The following NUDCD3 variants were observed in gnomAD, a reference collection of about 807,000 sequenced individuals.
The protein encoded by NUDCD3 is NudC domain containing 3.
In NUDCD3, 13 loss-of-function variants were observed where a neutral mutation model predicts 39.7. That is an observed-to-expected ratio of 0.33 (90% CI 0.21 to 0.52). The LOEUF (loss-of-function observed/expected upper bound fraction) is 0.52, where lower values mean the gene tolerates loss of function less well. Among genes scored for constraint, NUDCD3 ranks in the 20% least tolerant of loss-of-function variants. The pLI is 0.96. For synonymous variants in NUDCD3, 175 were observed against 172.4 expected (o/e 1.02, Z -0.12); for missense variants, 453 against 458.1 (o/e 0.99, Z 0.10).
chr7:44,401,401 A>G (rs902637011), intron 4 of NUDCD3, among the ~76,000 whole-genome samples: 2 of 152,254 alleles, frequency 1.3e-5, no homozygotes, highest in Non-Finnish European at 2.9e-5. Flanking sequence ...TGTAAACAGC[A>G]AAGTTTCTGT....
At chr7:44,458,958 G>GTGTGTGTGTT (rs1585093066) in intron 2 of NUDCD3, among the ~76,000 whole-genome samples, 1 of 148,022 alleles carries the variant, frequency 6.8e-6, no homozygotes, top group East Asian at 2.0e-4. Flanking sequence ...GTGTGTGTGT[G>GTGTGTGTGTT]TGTGTGTGTG....
At position 44,385,606 on chromosome 7, in the gene NUDCD3, A is replaced by G. The variant is rs1250958924; in HGVS notation, c.*405T>C. On this transcript the variant is annotated 3_prime_UTR_variant, in exon 6 of 6. Coordinates refer to ENST00000355451, the MANE Select transcript of NUDCD3 (RefSeq NM_015332.4). ...TTCAATGACTTCAGCTTCGCCTGAG[A>G]GTCCAGCAACAACTCCACATCCCAA... is the stretch of plus-strand genomic sequence containing the variant. The G allele has an allele frequency of 5.3e-6, 1 of 186,938 alleles. No homozygotes were observed. The highest frequency in any genetic ancestry group is 2.4e-5 in the African/African-American group (1 of 42,444). The allele number at this position is 186,938 out of a possible 1,614,324, so 11.6% of individuals were successfully genotyped here. A position where few individuals can be genotyped will look rare whatever the true frequency, so the allele number is the denominator to read the frequency against.
intron 2 of NUDCD3, among the ~76,000 whole-genome samples, chr7:44,474,873 G>A (rs1469344190): frequency 7.2e-5 from 11 of 152,292 alleles, no homozygotes; most frequent in Non-Finnish European, 1.5e-4. Context: ...GTGAATCACT[G>A]GAAAGGTGAA....
At chr7:44,454,129 G>A (rs1235618786) in intron 2 of NUDCD3, among the ~76,000 whole-genome samples, 1 of 152,094 alleles carries the variant, frequency 6.6e-6, no homozygotes, top group Non-Finnish European at 1.5e-5. Context: ...CACGAGGTCA[G>A]GAGATCAAGA....
chr7:44,467,555 A>G (rs1800144273), intron 2 of NUDCD3, among the ~76,000 whole-genome samples: 1 of 152,130 alleles, frequency 6.6e-6, no homozygotes, highest in African/African-American at 2.4e-5. Context: ...TCTTTGATCA[A>G]GGGGCAGGTC....
chr7:44,472,402 A>C (rs1800273398), intron 2 of NUDCD3, among the ~76,000 whole-genome samples: 1 of 152,196 alleles, frequency 6.6e-6, no homozygotes, highest in South Asian at 2.1e-4. Context: ...AAAGAACATA[A>C]AGCAAGACTT....
intron 4 of NUDCD3, 116 bp from the exon 5 acceptor site, chr7:44,392,601 C>T (rs1798542322): frequency 1.2e-6 from 1 of 853,372 alleles, no homozygotes; most frequent in East Asian, 2.5e-5. Flanking sequence ...GGACCAACTA[C>T]ACAAAGGGAG....
intron 5 of NUDCD3, 132 bp downstream of exon 5, chr7:44,392,165 C>T: frequency 3.7e-6 from 3 of 811,222 alleles, no homozygotes; most frequent in Middle Eastern, 3.7e-4. Context: ...CCTTGCTAGG[C>T]TAGGACATGG....
intron 2 of NUDCD3, among the ~76,000 whole-genome samples, chr7:44,431,666 TCC>T (rs1491213689): frequency 6.9e-6 from 1 of 144,104 alleles, no homozygotes; most frequent in African/African-American, 2.5e-5. Context: ...CCTCTCTCCT[TCC>T]TTTTTTTTTT....
At position 44,396,127 on chromosome 7, in the gene NUDCD3, T is replaced by TGTG. The variant is rs1563164537; in HGVS notation, c.787-3643_787-3642insCAC. On this transcript the variant is annotated intron_variant, in intron 4 of 5. Transcript: ENST00000355451. ...TGTGTGTGTGTGTGTGTGTGTGTGTTTAATTACAGCCATCCCACAGGTGTG... is the reference window on the plus strand; with the variant it reads ...TGTGTGTGTGTGTGTGTGTGTGTGTTGTGTAATTACAGCCATCCCACAGGTGTG... Among the ~76,000 whole-genome samples, 1,034 of 124,660 alleles carry TGTG rather than the reference T, an allele frequency of 8.3e-3. 9 individuals are homozygous for TGTG. Among genetic ancestry groups the TGTG allele is most frequent in the African/African-American group, 0.035 (963 of 27,418 alleles). 81.8% of individuals were successfully genotyped at this position (124,660 alleles called of 152,430 possible).
intron 2 of NUDCD3, among the ~76,000 whole-genome samples, chr7:44,469,115 CA>C (rs756247647): frequency 0.011 from 352 of 32,858 alleles, 1 homozygote; most frequent in South Asian, 0.028. Context: ...ACAAACAAAC[CA>C]AAAAAAAAAA....
chr7:44,435,367 TGCTGAAAGGACACATGA>T (rs1799444468), intron 2 of NUDCD3, among the ~76,000 whole-genome samples: 1 of 152,166 alleles, frequency 6.6e-6, no homozygotes, highest in African/African-American at 2.4e-5. Context: ...AGGAGGGTCA[TGCTGAAAGGACACATGA>T]GCCAATTTCA....
chr7:44,431,955 G>A (rs1402444764), intron 2 of NUDCD3, among the ~76,000 whole-genome samples: 1 of 152,026 alleles, frequency 6.6e-6, no homozygotes, highest in African/African-American at 2.4e-5. Flanking sequence ...TACGTGCGTG[G>A]GCCACCGTGC....
intron 2 of NUDCD3, among the ~76,000 whole-genome samples, chr7:44,445,992 T>C (rs567899782): frequency 1.3e-5 from 2 of 152,346 alleles, no homozygotes; most frequent in African/African-American, 4.8e-5. Flanking sequence ...GAAACAACAC[T>C]TCCATTGCAG....
At chr7:44,480,268 T>A (rs920165220) in intron 2 of NUDCD3, among the ~76,000 whole-genome samples, 4 of 152,092 alleles carry the variant, frequency 2.6e-5, no homozygotes, top group African/African-American at 7.2e-5. Context: ...TTTTTAGAGA[T>A]CATAAAAGGA....
intron 2 of NUDCD3, among the ~76,000 whole-genome samples, chr7:44,428,424 C>G (rs1799282531): frequency 6.6e-6 from 1 of 150,888 alleles, no homozygotes; most frequent in African/African-American, 2.4e-5. Flanking sequence ...GCCTGGGCAA[C>G]AAGAGCAAAA....
At chr7:44,451,709 G>A (rs909033114) in intron 2 of NUDCD3, among the ~76,000 whole-genome samples, 3 of 152,056 alleles carry the variant, frequency 2.0e-5, no homozygotes, top group South Asian at 2.1e-4. Context: ...TGTGGTGATG[G>A]TTTCATAGGG....
At chr7:44,488,023 T>C (rs970695124) in intron 1 of NUDCD3, among the ~76,000 whole-genome samples, 1 of 151,214 alleles carries the variant, frequency 6.6e-6, no homozygotes, top group Non-Finnish European at 1.5e-5. Context: ...CCAACCAAAA[T>C]ATCCAGGAAT....
At chr7:44,444,416 A>G (rs1799651300) in intron 2 of NUDCD3, among the ~76,000 whole-genome samples, 1 of 152,210 alleles carries the variant, frequency 6.6e-6, no homozygotes, top group Non-Finnish European at 1.5e-5. Context: ...TGTAAAGAAC[A>G]GAAAGCTTTT....
Sources: gnomAD v4.1 joint callset for allele counts (sites outside exome capture counted in the v4.1 genomes callset) on GRCh38, gnomAD v4.1.1 for gene constraint, MANE v1.5 for transcripts, NCBI Gene and HGNC (gene_info 2026-07-23, HGNC 2026-07-21) for gene names.